KRAS: variants seen among roughly 807,000 people sequenced by gnomAD.
KRAS encodes the protein GTPase KRas.
A neutral mutation model predicts 21.0 loss-of-function variants in KRAS; 1 was observed. That is an observed-to-expected ratio of 0.05 (90% CI 0.02 to 0.23). KRAS has a LOEUF of 0.23. Among genes scored for constraint, KRAS ranks in the 10% least tolerant of loss-of-function variants. KRAS has a pLI of 1.00. For missense variants in KRAS, 107 were observed against 221.8 expected (o/e 0.48, Z 3.29); for synonymous variants, 67 against 72.5 (o/e 0.92, Z 0.39).
intron 4 of KRAS, among the ~76,000 whole-genome samples, chr12:25,221,024 CAAAAAAAA>C (rs67015511): frequency 2.4e-5 from 2 of 84,810 alleles, no homozygotes; most frequent in African/African-American, 5.0e-5. Context: ...GACTCTGCCT[CAAAAAAAA>C]AAAAAAAAAA....
intron 4 of KRAS, among the ~76,000 whole-genome samples, chr12:25,220,837 C>T (rs958920739): frequency 6.6e-6 from 1 of 151,788 alleles, no homozygotes; most frequent in African/African-American, 2.4e-5. Flanking sequence ...CCAGCCTGGC[C>T]AACATGGCGA....
At chr12:25,232,864 A>G (rs946279658) in intron 2 of KRAS, among the ~76,000 whole-genome samples, 1 of 152,240 alleles carries the variant, frequency 6.6e-6, no homozygotes, top group African/African-American at 2.4e-5. Context: ...TAATAAGCAC[A>G]ATATTTTTGG....
intron 1 of KRAS, among the ~76,000 whole-genome samples, chr12:25,249,495 G>A (rs748531552): frequency 5.4e-5 from 8 of 147,304 alleles, no homozygotes; most frequent in Non-Finnish European, 1.0e-4. Context: ...GGGAGGCTGA[G>A]GCAGGAGAAT....
intron 2 of KRAS, among the ~76,000 whole-genome samples, chr12:25,242,604 T>C (rs1287414732): frequency 6.6e-6 from 1 of 152,182 alleles, no homozygotes; most frequent in East Asian, 1.9e-4. Flanking sequence ...CAGCCTCGAA[T>C]ACAAACATAC....
chr12:25,230,018 C>T lies in KRAS; in HGVS notation c.112-2606G>A, dbSNP rs1282483268. Among the ~76,000 whole-genome samples, 4 of 152,188 alleles carry T rather than the reference C, an allele frequency of 2.6e-5. No individual in the cohort carries two copies. In the South Asian group the frequency reaches 6.2e-4, roughly 24 times the overall value. ...CTAACTCCTGACCTCGTGATCTGCACGCCTCAGCCTCTCAAAGTGCTGGGA... is the reference window on the plus strand; with the variant it reads ...CTAACTCCTGACCTCGTGATCTGCATGCCTCAGCCTCTCAAAGTGCTGGGA... On this transcript the variant is annotated intron_variant, in intron 2 of 4. Coordinates refer to ENST00000311936, the MANE Select transcript of KRAS (RefSeq NM_004985.5).
chr12:25,219,230 C>T (rs1237828179), intron 4 of KRAS, among the ~76,000 whole-genome samples: 1 of 152,218 alleles, frequency 6.6e-6, no homozygotes, highest in Admixed American at 6.5e-5. Flanking sequence ...GCCACCGTGC[C>T]TAGCCTACTT....
At chr12:25,239,907 C>T (rs964219043) in intron 2 of KRAS, among the ~76,000 whole-genome samples, 1 of 151,668 alleles carries the variant, frequency 6.6e-6, no homozygotes, top group Admixed American at 6.6e-5. Context: ...GAGCCAAGAT[C>T]GCGCCACTGC....
intron 2 of KRAS, chr12:25,235,334 C>A: frequency 2.4e-6 from 1 of 414,776 alleles, no homozygotes; most frequent in South Asian, 5.8e-5. Flanking sequence ...TCCGCACTTT[C>A]CGTTTATAAG....
intron 2 of KRAS, chr12:25,235,010 C>T (rs1402925606): frequency 3.0e-6 from 1 of 336,394 alleles, no homozygotes; most frequent in Non-Finnish European, 5.4e-6. Context: ...TTACTGAGCC[C>T]TTACTTATAT....
At position 25,207,607 on chromosome 12, in the gene KRAS, G is replaced by A. The variant is rs1951152840; in HGVS notation, c.*2188C>T. Reference sequence around the variant, plus strand: ...ACAATGGAATGTATTACTGTTACCAGGAGTAGTCCTAGTTATAGATTACCT... The same window carrying A: ...ACAATGGAATGTATTACTGTTACCAAGAGTAGTCCTAGTTATAGATTACCT... On this transcript the variant is annotated 3_prime_UTR_variant, in exon 5 of 5. Transcript: ENST00000311936. 4.3e-6 allele frequency: 1 copy of A among 230,502 alleles called. No individual in the cohort carries two copies. The highest frequency in any genetic ancestry group is 5.7e-5 in the Admixed American group (1 of 17,672). 14.3% of individuals were successfully genotyped at this position (230,502 alleles called of 1,614,324 possible).
intron 2 of KRAS, among the ~76,000 whole-genome samples, chr12:25,232,772 C>T (rs1379967931): frequency 6.6e-6 from 1 of 152,088 alleles, no homozygotes; most frequent in Non-Finnish European, 1.5e-5. Context: ...TTTCCATCTA[C>T]ATAGTAAAAA....
intron 2 of KRAS, among the ~76,000 whole-genome samples, chr12:25,228,383 A>G (rs1951421436): frequency 6.6e-6 from 1 of 152,000 alleles, no homozygotes; most frequent in African/African-American, 2.4e-5. Flanking sequence ...AAAATCCAAA[A>G]AAAAAATCTG....
At chr12:25,246,365 C>A (rs1265249470) in intron 1 of KRAS, among the ~76,000 whole-genome samples, 2 of 152,138 alleles carry the variant, frequency 1.3e-5, no homozygotes, top group East Asian at 3.9e-4. Context: ...CAAGACCAGC[C>A]TGGCCAATAT....
At chr12:25,237,013 G>C (rs987951696) in intron 2 of KRAS, among the ~76,000 whole-genome samples, 1 of 152,086 alleles carries the variant, frequency 6.6e-6, no homozygotes, top group African/African-American at 2.4e-5. Flanking sequence ...CAAATGAACA[G>C]ATAAACAAAA....
At chr12:25,224,604 T>C (rs1951366936) in intron 4 of KRAS, among the ~76,000 whole-genome samples, 2 of 152,154 alleles carry the variant, frequency 1.3e-5, no homozygotes, top group South Asian at 2.1e-4. Context: ...TAATTTATTA[T>C]TGAACAGAAA....
rs1472592382 is a variant in KRAS, at chr12:25,208,217, TG to T, written c.*1577del. On this transcript the variant is annotated 3_prime_UTR_variant, in exon 5 of 5. Transcript: ENST00000311936. ...GATGACTTCTTTTAACATGAAGAAATGGATAGTAAGTGATGTCCTCAAAATC... is the reference window on the plus strand; with the variant it reads ...GATGACTTCTTTTAACATGAAGAAATGATAGTAAGTGATGTCCTCAAAATC... 1 of 232,070 alleles carries T rather than the reference TG, an allele frequency of 4.3e-6. No homozygotes were observed. The highest frequency in any genetic ancestry group is 2.2e-5 in the African/African-American group (1 of 45,084). The allele number at this position is 232,070 out of a possible 1,614,324, so 14.4% of individuals were successfully genotyped here.
rs1951146895 is a variant in KRAS at position 25,207,107 on chromosome 12, C to G, written c.*2688G>C. 9.4e-6 allele frequency: 2 copies of G among 213,728 alleles called. No individual in the cohort carries two copies. Among genetic ancestry groups the G allele is most frequent in the South Asian group, 3.7e-4 (2 of 5,368 alleles). 13.2% of individuals were successfully genotyped at this position (213,728 alleles called of 1,614,324 possible). ...ATCGTGTTATCTCTGGGTCGTATAC[C>G]AAAGGCCTTAGTAAGATATTACAGA... On this transcript the variant is annotated 3_prime_UTR_variant, in exon 5 of 5. Transcript: ENST00000311936.
chr12:25,213,870 C>T (rs1374971526), intron 4 of KRAS, among the ~76,000 whole-genome samples: 2 of 152,070 alleles, frequency 1.3e-5, no homozygotes, highest in African/African-American at 2.4e-5. Context: ...GGTTTAGAAA[C>T]GAAAATGAGA....
In KRAS at chr12:25,227,274, T is replaced by C. The variant is rs2141509513; in HGVS notation, c.250A>G (p.Ile84Val). Reference sequence around the variant, plus strand: ...TCTTCAAATGATTTAGTATTATTTATGGCAAATACACAAAGAAAGCCCTCC... The same window carrying C: ...TCTTCAAATGATTTAGTATTATTTACGGCAAATACACAAAGAAAGCCCTCC... ...TGEGFLCVFAINNTKSFEDIH... is the reference protein window; with the variant it reads ...TGEGFLCVFAVNNTKSFEDIH... The change falls in exon 3 of 5, where the codon ATA (isoleucine) becomes GTA (valine). Residue 84 changes from isoleucine to valine, a missense_variant. Transcript: ENST00000311936. 1 of 1,613,834 alleles carries C rather than the reference T, an allele frequency of 6.2e-7. No individual in the cohort carries two copies. Among genetic ancestry groups the C allele is most frequent in the South Asian group, 1.1e-5 (1 of 91,076 alleles).
Sources: gnomAD v4.1 joint callset for allele counts (sites outside exome capture counted in the v4.1 genomes callset) on GRCh38, gnomAD v4.1.1 for gene constraint, MANE v1.5 for transcripts, NCBI Gene and HGNC (gene_info 2026-07-23, HGNC 2026-07-21) for gene names.